Variants in CRAMP1 observed in about 807,000 individuals in gnomAD.
CRAMP1 encodes protein cramped-like.
In CRAMP1, 50 loss-of-function variants were observed where a neutral mutation model predicts 115.4. That is an observed-to-expected ratio of 0.43 (90% CI 0.35 to 0.55). CRAMP1 has a LOEUF of 0.55. Ranked by LOEUF, CRAMP1 falls within the 20% of genes least tolerant of loss-of-function variation. The probability of loss-of-function intolerance (pLI) is 0.01; values close to 1 mark genes in which losing one functional copy is unlikely to be tolerated. For missense variants in CRAMP1, 1,679 were observed against 1,721.7 expected (o/e 0.98, Z 0.44); for synonymous variants, 866 against 745.4 (o/e 1.16, Z -2.64).
intron 6 of CRAMP1, 107 bp from the exon 7 acceptor site, chr16:1,652,389 C>A (rs374467009): frequency 4.2e-6 from 4 of 947,332 alleles, no homozygotes; most frequent in South Asian, 1.7e-5. Flanking sequence ...GGGGTGGATG[C>A]TTGGCCAGGC....
At chr16:1,620,634 C>CGA (rs1376270418) in intron 2 of CRAMP1, 1 of 457,064 alleles carries the variant, frequency 2.2e-6, no homozygotes, top group Non-Finnish European at 4.4e-6. Flanking sequence ...CCTCTCACGT[C>CGA]CAGACAGACA....
At chr16:1,634,041 A>G (rs2036567335) in intron 4 of CRAMP1, among the ~76,000 whole-genome samples, 1 of 151,638 alleles carries the variant, frequency 6.6e-6, no homozygotes, top group African/African-American at 2.4e-5. Context: ...AAAAAAAAAG[A>G]AAGAAAGTCA....
At chr16:1,631,999 T>G (rs189024229) in intron 3 of CRAMP1, among the ~76,000 whole-genome samples, 1 of 152,194 alleles carries the variant, frequency 6.6e-6, no homozygotes, top group African/African-American at 2.4e-5. Context: ...ATGGTTCTGT[T>G]CCTGGTTCCA....
At chr16:1,644,607 A>G (rs1166698439) in intron 6 of CRAMP1, among the ~76,000 whole-genome samples, 1 of 152,180 alleles carries the variant, frequency 6.6e-6, no homozygotes, top group African/African-American at 2.4e-5. Flanking sequence ...CAGGGGCCAC[A>G]CAAAGAGTTG....
chr16:1,653,785 C>T (rs1417824799), intron 8 of CRAMP1, among the ~76,000 whole-genome samples: 1 of 144,970 alleles, frequency 6.9e-6, no homozygotes, highest in Non-Finnish European at 1.5e-5. Context: ...CGCGCCACTG[C>T]ACTCCAGCCT....
At position 1,667,948 on chromosome 16, in the gene CRAMP1, C is replaced by T; in HGVS notation, c.3103-14C>T. 6.5e-7 allele frequency: 1 copy of T among 1,546,184 alleles called. No homozygotes were observed. The highest frequency in any genetic ancestry group is 8.9e-7 in the Non-Finnish European group (1 of 1,129,530). ...AGACCTGGTTGTGTCTGAAAAATAC[C>T]TGTCTCCCAGCAGGGCTCATCTGTT... is the stretch of plus-strand genomic sequence containing the variant. On this transcript the variant is annotated splice_polypyrimidine_tract_variant and intron_variant, in intron 17 of 20. Transcript: ENST00000397412.
rs2036392513 is a variant in CRAMP1, at chr16:1,614,079, C to T, written c.-1-560C>T. On this transcript the variant is annotated intron_variant, in intron 1 of 20. Coordinates refer to ENST00000397412, the MANE Select transcript of CRAMP1 (RefSeq NM_020825.4). The surrounding 1 kb of genome is among the most constrained non-coding windows in gnomAD (Gnocchi z 4.4). Reference sequence around the variant, plus strand: ...CAGCTCTGGGGGCCGGCGCGTGGGGCAGGTGCGCGGGGCCCGGGAGCCCCG... The same window carrying T: ...CAGCTCTGGGGGCCGGCGCGTGGGGTAGGTGCGCGGGGCCCGGGAGCCCCG... Among the ~76,000 whole-genome samples the T allele has an allele frequency of 1.1e-5, 1 of 94,698 alleles. No homozygotes were observed. The highest frequency in any genetic ancestry group is 4.1e-5 in the African/African-American group (1 of 24,518). 62.1% of individuals were successfully genotyped at this position (94,698 alleles called of 152,430 possible).
chr16:1,635,601 T>C (rs925738931), intron 4 of CRAMP1, among the ~76,000 whole-genome samples: 1 of 152,278 alleles, frequency 6.6e-6, no homozygotes, highest in Non-Finnish European at 1.5e-5. Context: ...TGTCTTGCTC[T>C]TGGTGCTACT....
In CRAMP1 at chr16:1,652,740, C is replaced by T. The variant is rs573502456; in HGVS notation, c.913+159C>T. 1.3e-3 allele frequency among the ~76,000 whole-genome samples: 202 copies of T among 152,296 alleles called. 8 individuals carry two copies. In the South Asian group the frequency reaches 0.04, roughly 31 times the overall value. ...GGACCACTCTTGAACTTGAAATGCT[C>T]CCTACGACCACTCAGTCAAGTTGAG... On this transcript the variant is annotated intron_variant, in intron 7 of 20. Coordinates refer to ENST00000397412, the MANE Select transcript of CRAMP1 (RefSeq NM_020825.4).
At chr16:1,658,576 G>A (rs540770518) in intron 10 of CRAMP1, among the ~76,000 whole-genome samples, 1 of 152,308 alleles carries the variant, frequency 6.6e-6, no homozygotes, top group Admixed American at 6.5e-5. Context: ...CAGACAGACA[G>A]GTGCCTGATG....
intron 4 of CRAMP1, among the ~76,000 whole-genome samples, chr16:1,635,335 G>A (rs577756165): frequency 3.9e-5 from 6 of 152,214 alleles, no homozygotes; most frequent in East Asian, 1.9e-4. Flanking sequence ...GGGGCCTTGC[G>A]TGTGTGTTCG....
intron 5 of CRAMP1, among the ~76,000 whole-genome samples, 192 bp from the exon 6 acceptor site, chr16:1,640,947 G>A (rs923493572): frequency 6.6e-6 from 1 of 152,166 alleles, no homozygotes; most frequent in African/African-American, 2.4e-5. Context: ...GAGCGGGGGC[G>A]ACCAGGGCAG....
chr16:1,621,952 T>C (rs2036468955), intron 2 of CRAMP1, among the ~76,000 whole-genome samples: 2 of 152,172 alleles, frequency 1.3e-5, no homozygotes, highest in African/African-American at 2.4e-5. Flanking sequence ...CTCCTCCCAT[T>C]TTTCTTGTTG....
At position 1,670,728 on chromosome 16, in the gene CRAMP1, C is replaced by T; in HGVS notation, c.3564C>T (p.Gly1188=). 3 of 1,613,950 alleles carry T rather than the reference C, an allele frequency of 1.9e-6. No homozygotes were observed. Among genetic ancestry groups the T allele is most frequent in the Admixed American group, 1.7e-5 (1 of 60,032 alleles). ...CGACTCCCATTGGGACCAACAGTGG[C>T]ACTTCCTTGCTTGGCCCCAGCTTGT... ...MLPTPIGTNS[G]TSLLGPSLLD... is the part of the protein sequence containing the mutation. Residue 1188 remains glycine, a synonymous_variant, in exon 20 of 21, where the codon GGC becomes GGT. Transcript: ENST00000397412.
At chr16:1,632,995 C>G (rs938181659) in intron 4 of CRAMP1, among the ~76,000 whole-genome samples, 1 of 152,212 alleles carries the variant, frequency 6.6e-6, no homozygotes, top group African/African-American at 2.4e-5. Context: ...CAGCAGCGCA[C>G]CTGTGCTGGG....
intron 11 of CRAMP1, among the ~76,000 whole-genome samples, chr16:1,661,585 A>C (rs1310359949): frequency 6.7e-6 from 1 of 149,590 alleles, no homozygotes. Flanking sequence ...AGTCCCTACT[A>C]TGAAAGAATT....
In CRAMP1 at chr16:1,613,013, G is replaced by A. The variant is rs545194789; in HGVS notation, c.-2+356G>A. 4.7e-4 allele frequency among the ~76,000 whole-genome samples: 72 copies of A among 152,258 alleles called. 3 individuals carry two copies. The South Asian group carries it at 0.014, about 31-fold the overall frequency. Reference sequence around the variant, plus strand: ...GTCGGCGTCTTGGGTGTGGAGCCCGGCGAGCGGGCGAGTTCACTCTGGTGG... The same window carrying A: ...GTCGGCGTCTTGGGTGTGGAGCCCGACGAGCGGGCGAGTTCACTCTGGTGG... On this transcript the variant is annotated intron_variant, in intron 1 of 20. Transcript: ENST00000397412.
At chr16:1,619,290 C>T (rs1389079477) in intron 2 of CRAMP1, among the ~76,000 whole-genome samples, 1 of 152,192 alleles carries the variant, frequency 6.6e-6, no homozygotes, top group Non-Finnish European at 1.5e-5. Flanking sequence ...AAGCAATTCT[C>T]CTGTCTCAGC....
At chr16:1,664,848 G>A (rs1219307210) in intron 13 of CRAMP1, among the ~76,000 whole-genome samples, 2 of 152,098 alleles carry the variant, frequency 1.3e-5, no homozygotes, top group African/African-American at 4.8e-5. Context: ...TGATTACCTG[G>A]GTTTGTTTGA....
Sources: allele counts gnomAD v4.1 joint callset (sites outside exome capture counted in the v4.1 genomes callset), GRCh38; gene constraint gnomAD v4.1.1; non-coding constraint Gnocchi (gnomAD v3.1); transcripts MANE v1.5; gene names NCBI Gene and HGNC (gene_info 2026-07-23, HGNC 2026-07-21).